SMC3: variants seen among roughly 807,000 people sequenced by gnomAD.
SMC3 encodes the protein structural maintenance of chromosomes protein 3.
SMC3 carries 20 observed loss-of-function variants against 171.8 expected under a neutral mutation model. The observed-to-expected ratio is 0.12, with a 90% CI of 0.08 to 0.17. The LOEUF is 0.17. Ranked by LOEUF, SMC3 falls within the 10% of genes least tolerant of loss-of-function variation. SMC3 has a pLI of 1.00. For missense variants in SMC3, 543 were observed against 1,420.4 expected (o/e 0.38, Z 9.93); for synonymous variants, 464 against 451.1 (o/e 1.03, Z -0.36).
At chr10:110,576,408 G>C (rs560735170) in intron 4 of SMC3, among the ~76,000 whole-genome samples, 14 of 152,282 alleles carry the variant, frequency 9.2e-5, no homozygotes, top group African/African-American at 3.4e-4. Flanking sequence ...GTGTTCATGT[G>C]AGTCATGCCT....
chr10:110,579,550 G>T (rs146353898), intron 7 of SMC3, among the ~76,000 whole-genome samples: 2 of 152,120 alleles, frequency 1.3e-5, no homozygotes, highest in Non-Finnish European at 2.9e-5. Context: ...AACCCTATGT[G>T]CTTTATTTCC....
In SMC3 at chr10:110,603,278, G is replaced by A. The variant is rs1861414835; in HGVS notation, c.3570G>A (p.Lys1190=). The A allele has an allele frequency of 6.3e-7, 1 of 1,587,324 alleles. No homozygotes were observed. Among genetic ancestry groups the A allele is most frequent in the Non-Finnish European group, 8.6e-7 (1 of 1,157,846 alleles). ...CAGCTGACAAATTCTATGGTGTAAA[G>A]TTCAGAAATAAGGTAATTTTATTTT... ...LESADKFYGV[K]FRNKVSHIDV... is the part of the protein sequence containing the mutation. Residue 1190 remains lysine (K), a synonymous_variant, in exon 28 of 29, where the codon AAG becomes AAA. Transcript: ENST00000361804.
intron 13 of SMC3, among the ~76,000 whole-genome samples, chr10:110,586,783 ATGTAG>A (rs1205719123): frequency 2.0e-5 from 3 of 151,934 alleles, no homozygotes. Context: ...TCAGCCTCCC[ATGTAG>A]CTGAGATTAC....
intron 17 of SMC3, among the ~76,000 whole-genome samples, chr10:110,592,660 G>GT (rs1327404383): frequency 6.6e-6 from 1 of 152,086 alleles, no homozygotes; most frequent in Non-Finnish European, 1.5e-5. Flanking sequence ...AGATACTATC[G>GT]TAAGTTTTGC....
intron 2 of SMC3, among the ~76,000 whole-genome samples, chr10:110,569,340 C>G (rs1300186577): frequency 1.3e-5 from 2 of 152,038 alleles, no homozygotes; most frequent in Non-Finnish European, 2.9e-5. Flanking sequence ...ATTTCAGAGA[C>G]AGACAATTTT....
chr10:110,573,575 C>CCGT (rs138856021), intron 2 of SMC3, 132 bp from the exon 3 acceptor site: 2 of 598,842 alleles, frequency 3.3e-6, no homozygotes, highest in Admixed American at 5.7e-5. Flanking sequence ...CTTTTGTTCA[C>CCGT]TGTTTAATTT....
chr10:110,601,530 CAAAACCT>C, intron 23 of SMC3, 100 bp from the exon 24 acceptor site: 1 of 1,259,064 alleles, frequency 7.9e-7, no homozygotes, highest in Non-Finnish European at 1.1e-6. Context: ...ATTTTAAACA[CAAAACCT>C]AAAACCTATT....
intron 2 of SMC3, among the ~76,000 whole-genome samples, 161 bp downstream of exon 2, chr10:110,569,174 G>C (rs1860828903): frequency 6.6e-6 from 1 of 152,030 alleles, no homozygotes; most frequent in South Asian, 2.1e-4. Flanking sequence ...CTGATGAATT[G>C]CTTATTTTTA....
chr10:110,577,284 G>GT (rs1819702367), intron 4 of SMC3, 137 bp from the exon 5 acceptor site: 1 of 696,442 alleles, frequency 1.4e-6, no homozygotes, highest in African/African-American at 1.8e-5. Flanking sequence ...AGATTAGTGT[G>GT]TGTGTGTATA....
intron 2 of SMC3, among the ~76,000 whole-genome samples, chr10:110,571,789 C>A (rs889439316): frequency 1.4e-3 from 19 of 13,604 alleles, no homozygotes; most frequent in Non-Finnish European, 8.1e-3. Context: ...AAAATGGGTT[C>A]ATTTTTAAAT....
chr10:110,590,359 GGAGTGCCATT>G (rs766686665), intron 15 of SMC3, 43 bp from the exon 16 acceptor site: 92 of 1,449,880 alleles, frequency 6.3e-5, no homozygotes, highest in Non-Finnish European at 8.6e-5. Flanking sequence ...TTCCTTACCA[GGAGTGCCATT>G]GATGATATTA....
At chr10:110,568,462 C>G (rs116007745) in intron 1 of SMC3, 5,878 of 175,914 alleles carry the variant, frequency 0.033, 123 homozygotes, top group Admixed American at 0.058. Flanking sequence ...CCCAGGCACA[C>G]GGCCTTGGAG....
intron 20 of SMC3, 113 bp downstream of exon 20, chr10:110,598,403 A>G: frequency 8.4e-7 from 1 of 1,195,838 alleles, no homozygotes; most frequent in South Asian, 1.3e-5. Flanking sequence ...TTTTGTTTGG[A>G]CCCATACTTT....
In SMC3 at chr10:110,578,688, T is replaced by C. The variant is rs1860991154; in HGVS notation, c.411T>C (p.Tyr137=). 2 of 1,607,846 alleles carry C rather than the reference T, an allele frequency of 1.2e-6. No homozygotes were observed. Among genetic ancestry groups the C allele is most frequent in the Non-Finnish European group, 1.7e-6 (2 of 1,175,800 alleles). The change falls in exon 7 of 29, where the codon TAT becomes TAC. Residue 137 remains tyrosine, a synonymous_variant. Transcript: ENST00000361804. ...SAGFSRSNPY[Y]IVKQGKINQM... Reference sequence around the variant, plus strand: ...GTTTTTCTCGAAGCAATCCTTATTATATTGTTAAACAAGGAAAGGTAAAAC... The same window carrying C: ...GTTTTTCTCGAAGCAATCCTTATTACATTGTTAAACAAGGAAAGGTAAAAC...
intron 20 of SMC3, 69 bp downstream of exon 20, chr10:110,598,359 A>G: frequency 9.0e-6 from 13 of 1,437,276 alleles, no homozygotes; most frequent in Non-Finnish European, 1.3e-5. Flanking sequence ...TGAATCATAC[A>G]TTATATGGGT....
Position 110,584,307 on chromosome 10 carries a change from A to G in SMC3, c.1216A>G (p.Ile406Val). The change falls in exon 13 of 29, where the codon ATT becomes GTT. Residue 406 changes from isoleucine to valine, a missense_variant. Physicochemically the swap from Ile to Val is conservative, Grantham distance 29 (BLOSUM62 3). Around this residue, in one of 8 missense-constraint regions of SMC3, gnomAD observed 218 missense variants for 509.6 expected, o/e 0.43. Transcript: ENST00000361804. Reference protein sequence around the residue: ...KKELKSLDQAINDKKRQIAAI... With the variant: ...KKELKSLDQAVNDKKRQIAAI... ...GGAACTCAAGTCTTTAGATCAGGCT[A>G]TTAATGACAAGAAAAGACAGATTGC... 10 of 1,613,968 alleles carry G rather than the reference A, an allele frequency of 6.2e-6. No homozygotes were observed. Among genetic ancestry groups the G allele is most frequent in the Non-Finnish European group, 7.6e-6 (9 of 1,179,822 alleles).
At chr10:110,583,660 A>G in intron 11 of SMC3, 112 bp downstream of exon 11, 1 of 1,262,896 alleles carries the variant, frequency 7.9e-7, no homozygotes, top group Non-Finnish European at 1.1e-6. Context: ...AAGCTTTGCT[A>G]CGTTAGCATA....
Position 110,605,471 on chromosome 10 carries a change from G to A in SMC3, c.*1169G>A, listed in dbSNP as rs1462880573. Among the ~76,000 whole-genome samples the A allele has an allele frequency of 2.0e-5, 3 of 152,054 alleles. No individual in the cohort carries two copies. The highest frequency in any genetic ancestry group is 7.2e-5 in the African/African-American group (3 of 41,398). ...CCTGAGTTTATACTGGTTATCTGCA[G>A]GAGAATTTGTTAGGAGCTACTCTTC... On this transcript the variant is annotated 3_prime_UTR_variant, in exon 29 of 29. Coordinates refer to ENST00000361804, the MANE Select transcript of SMC3 (RefSeq NM_005445.4).
At chr10:110,584,040 A>T in intron 12 of SMC3, 78 bp downstream of exon 12, 1 of 1,558,486 alleles carries the variant, frequency 6.4e-7, no homozygotes, top group Non-Finnish European at 8.8e-7. Context: ...GCTCAATTAT[A>T]TAGTAGCTGC....
Sources: allele counts gnomAD v4.1 joint callset (sites outside exome capture counted in the v4.1 genomes callset), GRCh38; gene constraint gnomAD v4.1.1; regional missense constraint gnomAD v4.1.1; transcripts MANE v1.5; gene names NCBI Gene and HGNC (gene_info 2026-07-23, HGNC 2026-07-21).